Variants in TRPC5 observed in about 807,000 individuals in gnomAD.
TRPC5 encodes the protein short transient receptor potential channel 5.
A neutral mutation model predicts 56.5 loss-of-function variants in TRPC5; 9 were observed. That is an observed-to-expected ratio of 0.16 (90% confidence interval 0.10 to 0.28). The LOEUF is 0.28. Ranked by LOEUF, TRPC5 falls within the 10% of genes least tolerant of loss-of-function variation. The probability of loss-of-function intolerance (pLI) is 1.00; values close to 1 mark genes in which losing one functional copy is unlikely to be tolerated. For synonymous variants in TRPC5, 282 were observed against 278.5 expected (o/e 1.01, Z -0.13); for missense variants, 469 against 748.9 (o/e 0.63, Z 4.36).
intron 1 of TRPC5, among the ~76,000 whole-genome samples, chrX:111,991,773 G>C (rs1928362103): frequency 8.9e-6 from 1 of 111,766 alleles, no homozygotes. Flanking sequence ...GTCATAGCCT[G>C]GAAATCTCTC....
intron 1 of TRPC5, among the ~76,000 whole-genome samples, chrX:111,998,671 T>G (rs1378915641): frequency 8.9e-6 from 1 of 111,732 alleles, no homozygotes; most frequent in Non-Finnish European, 1.9e-5. Flanking sequence ...CAACCAATCA[T>G]GGGTCAGAAA....
intron 3 of TRPC5, among the ~76,000 whole-genome samples, chrX:111,857,631 A>G (rs982585715): frequency 1.2e-4 from 13 of 112,783 alleles, no homozygotes; most frequent in African/African-American, 3.9e-4. Context: ...GTGGCTTTGC[A>G]GGCCACACTG....
intron 3 of TRPC5, chrX:111,902,114 G>T: frequency 8.7e-7 from 1 of 1,153,845 alleles, no homozygotes; most frequent in South Asian, 1.9e-5. Context: ...TATAGATCAG[G>T]CTATGTTAGA....
intron 1 of TRPC5, among the ~76,000 whole-genome samples, chrX:112,008,924 C>T (rs552801480): frequency 1.8e-5 from 2 of 111,613 alleles, no homozygotes; most frequent in African/African-American, 6.5e-5. Flanking sequence ...GGGTTGTAAC[C>T]GTCTGAGAGG....
chrX:111,789,340 A>G lies in TRPC5; in HGVS notation c.1897-7202T>C, dbSNP rs756769317. Among the ~76,000 whole-genome samples the G allele has an allele frequency of 7.0e-4, 78 of 111,878 alleles. No homozygotes were observed. In the South Asian group the frequency reaches 0.021, roughly 30 times the overall value. ...AAGGATTCCCTATTTAATAAATGGT[A>G]CTGGGAAAACTGGCTAGCCATATGT... On this transcript the variant is annotated intron_variant, in intron 7 of 10. Transcript: ENST00000262839.
intron 1 of TRPC5, among the ~76,000 whole-genome samples, chrX:112,028,116 A>G (rs893610503): frequency 7.2e-5 from 8 of 111,438 alleles, no homozygotes; most frequent in African/African-American, 2.6e-4. Flanking sequence ...CTTGTCTTTT[A>G]TTGTTGGCCT....
At chrX:111,905,276 A>C (rs750897136) in intron 3 of TRPC5, among the ~76,000 whole-genome samples, 8 of 110,541 alleles carry the variant, frequency 7.2e-5, no homozygotes, top group African/African-American at 1.6e-4. Flanking sequence ...TTTTTCAGAG[A>C]TCCTACTCCC....
chrX:111,943,925 C>T (rs762830355), intron 2 of TRPC5, among the ~76,000 whole-genome samples: 1 of 112,407 alleles, frequency 8.9e-6, no homozygotes, highest in African/African-American at 3.2e-5. Flanking sequence ...TACCATACGA[C>T]ATGCTAAGTC....
intron 4 of TRPC5, 69 bp from the exon 5 acceptor site, chrX:111,852,506 C>A: frequency 3.8e-6 from 4 of 1,042,293 alleles, no homozygotes; most frequent in Non-Finnish European, 3.8e-6. Flanking sequence ...AGGATTCCCC[C>A]CTCCAGGTGA....
At chrX:112,061,698 C>T (rs893023055) in intron 1 of TRPC5, among the ~76,000 whole-genome samples, 1 of 111,263 alleles carries the variant, frequency 9.0e-6, no homozygotes, top group Non-Finnish European at 1.9e-5. Flanking sequence ...CTATTAAAAA[C>T]GTCTGTATGT....
chrX:111,778,391 G>A (rs1426997990), intron 10 of TRPC5, among the ~76,000 whole-genome samples: 2 of 111,149 alleles, frequency 1.8e-5, no homozygotes, highest in Non-Finnish European at 3.8e-5. Context: ...TCTTGTTGTG[G>A]GAGACTGTAC....
intron 1 of TRPC5, among the ~76,000 whole-genome samples, chrX:111,997,228 T>C (rs1034531104): frequency 1.8e-5 from 2 of 111,762 alleles, no homozygotes; most frequent in African/African-American, 6.5e-5. Context: ...TGCTTGTCTG[T>C]AAAGGACTTT....
At chrX:111,997,777 C>T (rs771816750) in intron 1 of TRPC5, among the ~76,000 whole-genome samples, 3 of 110,189 alleles carry the variant, frequency 2.7e-5, no homozygotes, top group South Asian at 3.9e-4. Flanking sequence ...TCCACTTGAT[C>T]GAATCGGATA....
At chrX:112,031,361 A>G (rs1395377917) in intron 1 of TRPC5, among the ~76,000 whole-genome samples, 5 of 111,841 alleles carry the variant, frequency 4.5e-5, no homozygotes, top group African/African-American at 6.5e-5. Context: ...TACTCAAACC[A>G]AGGACAGGCA....
intron 3 of TRPC5, among the ~76,000 whole-genome samples, chrX:111,859,730 G>A (rs773880277): frequency 8.9e-6 from 1 of 111,859 alleles, no homozygotes; most frequent in Non-Finnish European, 1.9e-5. Flanking sequence ...GGTTTTATTC[G>A]TTCCGTAAGT....
intron 7 of TRPC5, among the ~76,000 whole-genome samples, chrX:111,806,560 G>C (rs1363374028): frequency 8.9e-6 from 1 of 111,960 alleles, no homozygotes; most frequent in Non-Finnish European, 1.9e-5. Flanking sequence ...GTAAGAGAGA[G>C]AGAAAAGCCA....
chrX:111,917,871 T>TTG (rs1378033174), intron 2 of TRPC5, among the ~76,000 whole-genome samples: 3 of 112,844 alleles, frequency 2.7e-5, no homozygotes, highest in Non-Finnish European at 5.6e-5. Flanking sequence ...CAATGGGACA[T>TTG]TCTTGTTCTG....
rs760942838 is a variant in TRPC5 at position 111,970,617 on chromosome X, GA to G, written c.-21-18177del. On this transcript the variant is annotated intron_variant, in intron 1 of 10. Coordinates refer to ENST00000262839, the MANE Select transcript of TRPC5 (RefSeq NM_012471.3). ...AATAGAACAGCTTCAAAATGAAAGA[GA>G]AAAACTTATCAGGGAACATTTCTGA... is the stretch of plus-strand genomic sequence containing the variant. Among the ~76,000 whole-genome samples the G allele has an allele frequency of 4.5e-5, 5 of 111,479 alleles. No individual in the cohort carries two copies. The East Asian group carries it at 1.1e-3, about 25-fold the overall frequency.
chrX:111,908,405 T>C (rs1925699667), intron 3 of TRPC5, among the ~76,000 whole-genome samples: 1 of 111,979 alleles, frequency 8.9e-6, no homozygotes. Context: ...AGATAATTTA[T>C]CTTGGAAAAT....
Sources: gnomAD v4.1 joint callset for allele counts (sites outside exome capture counted in the v4.1 genomes callset) on GRCh38, gnomAD v4.1.1 for gene constraint, MANE v1.5 for transcripts, NCBI Gene and HGNC (gene_info 2026-07-23, HGNC 2026-07-21) for gene names.